Variants in TMCO5A observed in about 807,000 individuals in gnomAD.
The protein encoded by TMCO5A is transmembrane and coiled-coil domain-containing protein 5A.
A neutral mutation model predicts 42.3 loss-of-function variants in TMCO5A; 34 were observed. The ratio of observed to expected loss-of-function variants is 0.80; its 90% CI spans 0.61 to 1.07. TMCO5A has a LOEUF of 1.07. TMCO5A is among the 50% of genes least tolerant of loss of function. TMCO5A has a pLI of 0.00. For synonymous variants in TMCO5A, 131 were observed against 115.6 expected, an observed-to-expected ratio of 1.13 and a Z score of -0.86; for missense variants, 357 against 327.9, an observed-to-expected ratio of 1.09 and a Z score of -0.69.
chr15:38,018,089 T>C, the TMCO5A span, among the ~76,000 whole-genome samples: 1 of 152,148 alleles, frequency 6.6e-6, no homozygotes, highest in Non-Finnish European at 1.5e-5. Context: ...CAGTCTCAGG[T>C]AGTTTTTTAT....
chr15:37,942,626 C>G (rs1158879729), intron 9 of TMCO5A: 3 of 183,390 alleles, frequency 1.6e-5, no homozygotes, highest in Non-Finnish European at 3.4e-5. Flanking sequence ...TAATACCATC[C>G]TCACTTCCCC....
At chr15:38,026,382 G>A in the TMCO5A span, among the ~76,000 whole-genome samples, 1 of 152,172 alleles carries the variant, frequency 6.6e-6, no homozygotes, top group South Asian at 2.1e-4. Flanking sequence ...CTTTGCCCCT[G>A]CCCTAGAGAT....
chr15:37,989,887 A>C, the TMCO5A span, among the ~76,000 whole-genome samples: 1 of 152,242 alleles, frequency 6.6e-6, no homozygotes, highest in East Asian at 1.9e-4. Context: ...TTCTAAGAGC[A>C]TTAATCCATT....
intron 8 of TMCO5A, 96 bp downstream of exon 8, chr15:37,941,826 A>C: frequency 1.9e-6 from 2 of 1,079,630 alleles, no homozygotes; most frequent in Non-Finnish European, 2.8e-6. Flanking sequence ...GAGCAATTTC[A>C]ACAGTTCAAG....
chr15:37,937,198 T>C, intron 4 of TMCO5A, 148 bp from the exon 5 acceptor site: 3 of 1,085,684 alleles, frequency 2.8e-6, no homozygotes, highest in Non-Finnish European at 4.0e-6. Context: ...ATTTCACCTG[T>C]GGTTTGATTT....
chr15:37,985,088 G>C, the TMCO5A span, among the ~76,000 whole-genome samples: 514 of 151,750 alleles, frequency 3.4e-3, 1 homozygote, highest in South Asian at 0.019. Flanking sequence ...AACATAGAAT[G>C]GGGGATGGAG....
the TMCO5A span, chr15:37,994,776 G>A: frequency 6.6e-6 from 1 of 152,292 alleles, no homozygotes; most frequent in Non-Finnish European, 1.5e-5. Flanking sequence ...ATCTATCGCT[G>A]TACAAGCCAG....
chr15:37,966,759 C>A, exon 12 of TMCO5A: 1 of 699,512 alleles, frequency 1.4e-6, no homozygotes, highest in Non-Finnish European at 2.6e-6. Context: ...CATAAACTGG[C>A]CTATCTGAGG....
chr15:38,031,150 C>A, the TMCO5A span, among the ~76,000 whole-genome samples: 1 of 152,270 alleles, frequency 6.6e-6, no homozygotes, highest in South Asian at 2.1e-4. Context: ...TCCCTTGCAC[C>A]CTTCAGGGAG....
the TMCO5A span, among the ~76,000 whole-genome samples, chr15:37,989,556 C>T: frequency 2.0e-5 from 3 of 152,040 alleles, no homozygotes; most frequent in South Asian, 2.1e-4. Context: ...ATCTTGGATA[C>T]ATTGGTTGTT....
chr15:38,017,816 G>A, the TMCO5A span, among the ~76,000 whole-genome samples: 4 of 152,152 alleles, frequency 2.6e-5, no homozygotes, highest in Admixed American at 6.5e-5. Flanking sequence ...GTCCCTGTAT[G>A]TTGGGGGCAG....
At chr15:37,967,511 T>A in exon 12 of TMCO5A, 1 of 152,252 alleles carries the variant, frequency 6.6e-6, no homozygotes, top group East Asian at 1.9e-4. Context: ...ATTACTTTTA[T>A]AGGGTCAGTT....
chr15:38,025,088 G>T, the TMCO5A span: 1 of 152,200 alleles, frequency 6.6e-6, no homozygotes, highest in Non-Finnish European at 1.5e-5. Flanking sequence ...ATTATAACCT[G>T]GCAAGGGTGT....
the TMCO5A span, among the ~76,000 whole-genome samples, chr15:38,038,421 T>TTTG: frequency 6.6e-6 from 1 of 152,032 alleles, no homozygotes; most frequent in East Asian, 1.9e-4. Flanking sequence ...TTTTTTTTTT[T>TTTG]TGAGACGGAG....
chr15:37,941,695 A>G lies in TMCO5A; in HGVS notation c.469A>G (p.Thr157Ala). The G allele has an allele frequency of 6.2e-7, 1 of 1,611,740 alleles. No individual in the cohort carries two copies. ...GGTAATGAAGGAGTATGCATTTGTGACCCAGCTCTGTGAAGATCAAGCCCT... is the reference window on the plus strand; with the variant it reads ...GGTAATGAAGGAGTATGCATTTGTGGCCCAGCTCTGTGAAGATCAAGCCCT... Reference protein sequence around the residue: ...LKVMKEYAFVTQLCEDQALYI... With the variant: ...LKVMKEYAFVAQLCEDQALYI... The change falls in exon 8 of 12, where the codon ACC becomes GCC. Residue 157 changes from threonine to alanine, a missense_variant. By Grantham distance (58) the Thr-to-Ala change is moderately conservative. Transcript: ENST00000319669.
intron 11 of TMCO5A, among the ~76,000 whole-genome samples, chr15:37,962,622 CTTCTTTGAATGTCTTGTAG>C (rs1171347335): frequency 6.6e-6 from 1 of 152,012 alleles, no homozygotes; most frequent in Non-Finnish European, 1.5e-5. Context: ...GGTACCAATT[CTTCTTTGAATGTCTTGTAG>C]AATTCTTCTG....
At position 37,936,380 on chromosome 15, in the gene TMCO5A, C is replaced by T. The variant is rs141356910; in HGVS notation, c.57C>T (p.Asp19=). 6.7e-5 allele frequency: 108 copies of T among 1,612,886 alleles called. 1 individual carries two copies. In the African/African-American group the frequency reaches 1.2e-3, roughly 18 times the overall value. Reference sequence around the variant, plus strand: ...GAAACATTATCAGTTTGAACATGGACCTTGAAAGGGATACGCAGAGAATAG... The same window carrying T: ...GAAACATTATCAGTTTGAACATGGATCTTGAAAGGGATACGCAGAGAATAG... The part of the protein sequence containing the change: ...SKRNIISLNM[D]LERDTQRIDE... The change falls in exon 3 of 12, where the codon GAC becomes GAT. Residue 19 remains aspartate (D), a synonymous_variant. Transcript: ENST00000319669.
At chr15:37,955,571 A>G (rs1328689663), downstream of TMCO5A, among the ~76,000 whole-genome samples, 1 of 152,190 alleles carries the variant, frequency 6.6e-6, no homozygotes, top group African/African-American at 2.4e-5. Flanking sequence ...TGCACCCAAT[A>G]CAGGAGCACC....
the TMCO5A span, among the ~76,000 whole-genome samples, chr15:38,006,431 G>A: frequency 2.6e-5 from 4 of 152,160 alleles, no homozygotes; most frequent in African/African-American, 9.7e-5. Flanking sequence ...TTTGTAATAC[G>A]ATTTTGAGCA....
Sources: allele counts gnomAD v4.1 joint callset (sites outside exome capture counted in the v4.1 genomes callset), GRCh38; gene constraint gnomAD v4.1.1; transcripts MANE v1.5; gene names NCBI Gene and HGNC (gene_info 2026-07-23, HGNC 2026-07-21).